Variants in SYT9 observed in about 807,000 individuals in gnomAD.
SYT9 encodes synaptotagmin-9.
SYT9 carries 22 observed loss-of-function variants against 48.4 expected under a neutral mutation model. The observed-to-expected ratio is 0.45, with a 90% confidence interval of 0.32 to 0.65. The LOEUF is 0.65. SYT9 is among the 30% of genes least tolerant of loss of function. The probability of loss-of-function intolerance (pLI) is 0.03; values close to 1 mark genes in which losing one functional copy is unlikely to be tolerated. For missense variants in SYT9, 577 were observed against 622.0 expected (o/e 0.93, Z 0.77); for synonymous variants, 265 against 245.0 (o/e 1.08, Z -0.76).
intron 3 of SYT9, among the ~76,000 whole-genome samples, chr11:7,356,883 C>G (rs1850031672): frequency 6.6e-6 from 1 of 152,146 alleles, no homozygotes; most frequent in South Asian, 2.1e-4. Flanking sequence ...GTTCCAGGTT[C>G]CCTACCTTCA....
intron 6 of SYT9, among the ~76,000 whole-genome samples, chr11:7,434,480 G>T (rs1264552230): frequency 6.6e-6 from 1 of 152,178 alleles, no homozygotes; most frequent in Non-Finnish European, 1.5e-5. Context: ...GTAGGATCCT[G>T]CTTGGAGGAT....
intron 2 of SYT9, 53 bp from the exon 3 acceptor site, chr11:7,313,342 A>C (rs1387969383): frequency 6.6e-7 from 1 of 1,523,138 alleles, no homozygotes; most frequent in Non-Finnish European, 8.8e-7. Flanking sequence ...AGTTTCTGAG[A>C]GACCCATAGC....
chr11:7,294,672 C>T (rs1485180323), intron 1 of SYT9, among the ~76,000 whole-genome samples: 1 of 152,214 alleles, frequency 6.6e-6, no homozygotes, highest in Non-Finnish European at 1.5e-5. Context: ...TTCTGCCCCC[C>T]AGGCTCACTG....
intron 6 of SYT9, among the ~76,000 whole-genome samples, chr11:7,429,945 C>T (rs1847535076): frequency 6.6e-6 from 1 of 152,150 alleles, no homozygotes; most frequent in South Asian, 2.1e-4. Context: ...GTCTCAGGGC[C>T]TGTGGGAAGC....
At chr11:7,352,472 C>T (rs909577664) in intron 3 of SYT9, among the ~76,000 whole-genome samples, 2 of 152,010 alleles carry the variant, frequency 1.3e-5, no homozygotes, top group African/African-American at 4.8e-5. Flanking sequence ...CCTACTATCC[C>T]TGGATGACAA....
chr11:7,364,359 A>G (rs1036305472), intron 3 of SYT9, among the ~76,000 whole-genome samples: 2 of 152,248 alleles, frequency 1.3e-5, no homozygotes, highest in African/African-American at 4.8e-5. Context: ...CAGAGCTTTA[A>G]GAAGAAATAG....
chr11:7,424,563 T>C (rs1847418704), intron 6 of SYT9, among the ~76,000 whole-genome samples: 2 of 152,306 alleles, frequency 1.3e-5, no homozygotes, highest in South Asian at 4.1e-4. Flanking sequence ...TGTAGTGCCA[T>C]GTAACATCTG....
rs1465117782 is a variant in SYT9, at chr11:7,468,640, G to A, written c.*1840G>A. 4 of 235,376 alleles carry A rather than the reference G, an allele frequency of 1.7e-5. No homozygotes were observed. Among genetic ancestry groups the A allele is most frequent in the Non-Finnish European group, 3.3e-5 (4 of 122,934 alleles). 14.6% of individuals were successfully genotyped at this position (235,376 alleles called of 1,614,324 possible). A position where few individuals can be genotyped will look rare whatever the true frequency, so the allele number is the denominator to read the frequency against. ...GCCCAGAAGAATGGTCCCAGAGAAA[G>A]CAGACTGGCTCCAATAGATATCAGG... On this transcript the variant is annotated 3_prime_UTR_variant, in exon 7 of 7. Coordinates refer to ENST00000318881, the MANE Select transcript of SYT9 (RefSeq NM_175733.4).
chr11:7,393,106 A>T (rs1202735186), intron 3 of SYT9, among the ~76,000 whole-genome samples: 1 of 152,080 alleles, frequency 6.6e-6, no homozygotes. Context: ...CTCTTGTCTG[A>T]TCACTCTGGC....
intron 6 of SYT9, chr11:7,456,979 A>C (rs1848158957): frequency 6.6e-6 from 1 of 152,216 alleles, no homozygotes; most frequent in Non-Finnish European, 1.5e-5. Context: ...CTGAGCATGT[A>C]ACTCTCCCAC....
chr11:7,444,645 C>T (rs769121608), intron 6 of SYT9: 1 of 152,066 alleles, frequency 6.6e-6, no homozygotes, highest in Non-Finnish European at 1.5e-5. Context: ...GCCCAATTTC[C>T]ATAGCCAATG....
chr11:7,266,597 CTTTT>C, intron 1 of SYT9, among the ~76,000 whole-genome samples: 1 of 152,204 alleles, frequency 6.6e-6, no homozygotes, highest in South Asian at 2.1e-4. Flanking sequence ...GCATTGTCTT[CTTTT>C]TTTATCTTTT....
intron 1 of SYT9, among the ~76,000 whole-genome samples, chr11:7,244,316 C>G (rs1847770543): frequency 6.6e-6 from 1 of 152,170 alleles, no homozygotes; most frequent in South Asian, 2.1e-4. Context: ...CATACCAGAA[C>G]AACTGCTACT....
intron 3 of SYT9, among the ~76,000 whole-genome samples, chr11:7,386,536 C>T (rs1002676479): frequency 1.3e-5 from 2 of 152,024 alleles, no homozygotes; most frequent in Non-Finnish European, 2.9e-5. Context: ...AGCCAAAAGA[C>T]ACATGAAAAT....
intron 6 of SYT9, among the ~76,000 whole-genome samples, chr11:7,431,754 G>T (rs1186096848): frequency 6.6e-6 from 1 of 152,244 alleles, no homozygotes; most frequent in Non-Finnish European, 1.5e-5. Flanking sequence ...TCCACCTCCA[G>T]CTGCTACTTA....
At chr11:7,325,414 G>A (rs1191323616) in intron 3 of SYT9, among the ~76,000 whole-genome samples, 15 of 131,736 alleles carry the variant, frequency 1.1e-4, no homozygotes, top group Non-Finnish European at 2.2e-4. Context: ...CTCTCTGTTT[G>A]TCTGTTGTTG....
intron 3 of SYT9, among the ~76,000 whole-genome samples, chr11:7,347,659 A>G (rs1849828630): frequency 6.6e-6 from 1 of 152,168 alleles, no homozygotes; most frequent in Admixed American, 6.5e-5. Flanking sequence ...ATGTGCTTCT[A>G]CTTGTGCCTA....
At chr11:7,429,437 T>C (rs1847525036) in intron 6 of SYT9, among the ~76,000 whole-genome samples, 2 of 152,312 alleles carry the variant, frequency 1.3e-5, no homozygotes, top group African/African-American at 2.4e-5. Flanking sequence ...ACCAAGCCCA[T>C]AGATACAAAG....
At chr11:7,261,172 C>T (rs1848071518) in intron 1 of SYT9, among the ~76,000 whole-genome samples, 1 of 152,190 alleles carries the variant, frequency 6.6e-6, no homozygotes, top group African/African-American at 2.4e-5. Flanking sequence ...TCTGCCTCCT[C>T]GTCCCCACCA....
Sources: allele counts gnomAD v4.1 joint callset (sites outside exome capture counted in the v4.1 genomes callset), GRCh38; gene constraint gnomAD v4.1.1; transcripts MANE v1.5; gene names NCBI Gene and HGNC (gene_info 2026-07-23, HGNC 2026-07-21).